Variants in CNTN6 observed in about 807,000 individuals in gnomAD.
CNTN6 encodes the protein contactin 6, also known as contactin-6.
In CNTN6, 137 loss-of-function variants were observed where a neutral mutation model predicts 122.8. That is an observed-to-expected ratio of 1.12 (90% CI 0.97 to 1.29). CNTN6 has a LOEUF of 1.29. Ranked by LOEUF, CNTN6 falls within the 50% of genes most tolerant of loss-of-function variation. CNTN6 has a pLI of 0.00. For synonymous variants in CNTN6, 570 were observed against 426.0 expected, an observed-to-expected ratio of 1.34 and a Z score of -4.16; for missense variants, 1,634 against 1,223.4, an observed-to-expected ratio of 1.34 and a Z score of -5.01.
In CNTN6 at chr3:1,385,815, C is replaced by G; in HGVS notation, c.2704+18C>G. 1.3e-6 allele frequency: 2 copies of G among 1,579,936 alleles called. No homozygotes were observed. Among genetic ancestry groups the G allele is most frequent in the South Asian group, 2.3e-5 (2 of 86,194 alleles). The stretch of plus-strand genomic sequence containing the variant: ...AAAGTCTCGTAAGTATGCATACACT[C>G]CAGGAAACAAGATTCATCTGTGAAG... On this transcript the variant is annotated intron_variant, in intron 20 of 22. Coordinates refer to ENST00000446702, the MANE Select transcript of CNTN6 (RefSeq NM_001289080.2).
At chr3:1,114,797 A>T (rs2091641356) in intron 1 of CNTN6, among the ~76,000 whole-genome samples, 1 of 152,196 alleles carries the variant, frequency 6.6e-6, no homozygotes, top group Non-Finnish European at 1.5e-5. Flanking sequence ...AGAAACAAAA[A>T]ACTAAATTTC....
intron 17 of CNTN6, among the ~76,000 whole-genome samples, chr3:1,378,232 T>C (rs566420407): frequency 6.6e-6 from 1 of 152,314 alleles, no homozygotes; most frequent in East Asian, 1.9e-4. Context: ...TTAGCATCTC[T>C]CTTCACTCTG....
In CNTN6 at chr3:1,402,322, T is replaced by C. The variant is rs1695822352; in HGVS notation, c.2822T>C (p.Leu941Pro). The C allele has an allele frequency of 6.2e-6, 10 of 1,606,972 alleles. No individual in the cohort carries two copies. The highest frequency in any genetic ancestry group is 8.5e-6 in the Non-Finnish European group (10 of 1,176,314). ...TTGATACCTCATTTTATTCAGATTCTGTACCGGCAAAACAGACAGAGTAAA... is the reference window on the plus strand; with the variant it reads ...TTGATACCTCATTTTATTCAGATTCCGTACCGGCAAAACAGACAGAGTAAA... ...NESEVLGYKI[L>P]YRQNRQSKTH... Residue 941 changes from leucine to proline, a missense_variant, in exon 22 of 23, where the codon CTG becomes CCG. Coordinates refer to ENST00000446702, the MANE Select transcript of CNTN6 (RefSeq NM_001289080.2).
rs76883790 is a variant in CNTN6 at position 1,387,426 on chromosome 3, G to A, written c.2704+1629G>A. 6.4e-3 allele frequency among the ~76,000 whole-genome samples: 968 copies of A among 152,276 alleles called. 4 individuals carry two copies. Among genetic ancestry groups the A allele is most frequent in the African/African-American group, 0.021 (891 of 41,556 alleles). ...TATGATTTGCTTCTTTGGTCTTCCTGGAGTGGTTTAGCTTCTTTCAGCTAA... is the reference window on the plus strand; with the variant it reads ...TATGATTTGCTTCTTTGGTCTTCCTAGAGTGGTTTAGCTTCTTTCAGCTAA... On this transcript the variant is annotated intron_variant, in intron 20 of 22. Coordinates refer to ENST00000446702, the MANE Select transcript of CNTN6 (RefSeq NM_001289080.2).
intron 4 of CNTN6, among the ~76,000 whole-genome samples, chr3:1,230,171 T>G (rs2094336362): frequency 6.6e-6 from 1 of 152,190 alleles, no homozygotes; most frequent in South Asian, 2.1e-4. Flanking sequence ...AGAAAAGGCC[T>G]TTGGTAGGAT....
chr3:1,175,222 CAAA>C (rs61606722), intron 2 of CNTN6, among the ~76,000 whole-genome samples: 14 of 76,836 alleles, frequency 1.8e-4, no homozygotes, highest in Non-Finnish European at 1.7e-4. Context: ...GACTTTGTCT[CAAA>C]AAAAAAAAAA....
chr3:1,332,533 G>GGAAGGAA (rs1559849838), intron 11 of CNTN6, among the ~76,000 whole-genome samples: 3 of 69,784 alleles, frequency 4.3e-5, no homozygotes, highest in Non-Finnish European at 7.0e-5. Flanking sequence ...GAAGGAAGGA[G>GGAAGGAA]GGAGGGAAGG....
Position 1,370,336 on chromosome 3 carries a change from C to G in CNTN6, c.1493-1963C>G, listed in dbSNP as rs578132137. 9.2e-5 allele frequency among the ~76,000 whole-genome samples: 14 copies of G among 151,830 alleles called. 2 individuals carry two copies. In the South Asian group the frequency reaches 2.7e-3, roughly 29 times the overall value. On this transcript the variant is annotated intron_variant, in intron 12 of 22. Transcript: ENST00000446702. ...ACACAGGAAGGGGAACATCACACAC[C>G]GGGGACTATTGTGGAGTGTGGGGAG...
rs1053527123 is a variant in CNTN6 at position 1,201,025 on chromosome 3, C to G, written c.56-19662C>G. On this transcript the variant is annotated intron_variant, in intron 2 of 22. Coordinates refer to ENST00000446702, the MANE Select transcript of CNTN6 (RefSeq NM_001289080.2). The stretch of plus-strand genomic sequence containing the variant: ...CACTGCAACCTCTGCCTCCTGGGCT[C>G]AAGCCATCCTCCCACCTCAGCCTCC... 2.0e-5 allele frequency among the ~76,000 whole-genome samples: 3 copies of G among 151,020 alleles called. No homozygotes were observed. The East Asian group carries it at 5.8e-4, about 29-fold the overall frequency.
chr3:1,249,271 A>G (rs745427570), intron 4 of CNTN6, among the ~76,000 whole-genome samples: 2 of 152,228 alleles, frequency 1.3e-5, no homozygotes. Context: ...TGGTCATTCA[A>G]CTATCCATTT....
intron 7 of CNTN6, among the ~76,000 whole-genome samples, chr3:1,299,472 G>C (rs1309913925): frequency 6.6e-6 from 1 of 152,140 alleles, no homozygotes; most frequent in East Asian, 1.9e-4. Context: ...AATTGAAAAT[G>C]TTGAGGCTAT....
intron 7 of CNTN6, among the ~76,000 whole-genome samples, chr3:1,304,536 AC>A (rs1267672797): frequency 2.6e-5 from 4 of 152,156 alleles, no homozygotes; most frequent in African/African-American, 9.7e-5. Context: ...ATGTAGTATG[AC>A]CCTCAATTAT....
At chr3:1,194,791 T>A (rs949119530) in intron 2 of CNTN6, among the ~76,000 whole-genome samples, 1 of 152,146 alleles carries the variant, frequency 6.6e-6, no homozygotes, top group African/African-American at 2.4e-5. Flanking sequence ...TGATGTCAAC[T>A]CCATTGAGAA....
chr3:1,340,778 A>G (rs1014814992), intron 11 of CNTN6, among the ~76,000 whole-genome samples: 1 of 152,048 alleles, frequency 6.6e-6, no homozygotes, highest in African/African-American at 2.4e-5. Flanking sequence ...TTTCAAAACC[A>G]TGTTCTATCT....
chr3:1,249,160 C>T (rs1409485095), intron 4 of CNTN6, among the ~76,000 whole-genome samples: 1 of 152,054 alleles, frequency 6.6e-6, no homozygotes, highest in East Asian at 1.9e-4. Context: ...AATAGCATTA[C>T]CATAGGGGTC....
At chr3:1,195,226 A>T (rs531739927) in intron 2 of CNTN6, among the ~76,000 whole-genome samples, 2 of 152,082 alleles carry the variant, frequency 1.3e-5, no homozygotes, top group Non-Finnish European at 1.5e-5. Flanking sequence ...GCTCTTGCCT[A>T]TGTTTTTCTC....
chr3:1,355,233 A>T (rs1032047674), intron 12 of CNTN6, among the ~76,000 whole-genome samples: 2 of 151,678 alleles, frequency 1.3e-5, no homozygotes, highest in Non-Finnish European at 3.0e-5. Context: ...ACTTAACCAC[A>T]CAAATACATA....
chr3:1,101,756 G>T (rs1457260437), intron 1 of CNTN6, among the ~76,000 whole-genome samples: 1 of 152,202 alleles, frequency 6.6e-6, no homozygotes, highest in East Asian at 1.9e-4. Context: ...TCCAATGACA[G>T]AATATGTTAG....
chr3:1,348,776 T>C (rs1246075079), intron 11 of CNTN6, among the ~76,000 whole-genome samples: 2 of 151,970 alleles, frequency 1.3e-5, no homozygotes, highest in African/African-American at 2.4e-5. Context: ...GAGTCACTTA[T>C]TGCTTCTCTT....
Sources: allele counts gnomAD v4.1 joint callset (sites outside exome capture counted in the v4.1 genomes callset), GRCh38; gene constraint gnomAD v4.1.1; transcripts MANE v1.5; gene names NCBI Gene and HGNC (gene_info 2026-07-23, HGNC 2026-07-21).